BLOC1S5: variants seen among roughly 807,000 people sequenced by gnomAD.
The protein encoded by BLOC1S5 is biogenesis of lysosome-related organelles complex 1 subunit 5.
BLOC1S5 carries 27 observed loss-of-function variants against 24.3 expected under a neutral mutation model. The ratio of observed to expected loss-of-function variants is 1.11; its 90% confidence interval spans 0.82 to 1.53. The LOEUF is 1.53. Among genes scored for constraint, BLOC1S5 ranks in the 40% most tolerant of loss-of-function variants. The pLI is 0.00. For missense variants in BLOC1S5, 239 were observed against 229.4 expected, an observed-to-expected ratio of 1.04 and a Z score of -0.27; for synonymous variants, 84 against 74.5, an observed-to-expected ratio of 1.13 and a Z score of -0.66.
intron 2 of BLOC1S5, among the ~76,000 whole-genome samples, chr6:8,043,571 A>G (rs1311934571): frequency 6.6e-6 from 1 of 152,228 alleles, no homozygotes; most frequent in East Asian, 1.9e-4. Context: ...CCAAAGACTA[A>G]GGTGGCATGA....
chr6:8,024,773 TA>T (rs11301255), intron 4 of BLOC1S5, among the ~76,000 whole-genome samples: 67,623 of 151,910 alleles, frequency 0.45, 15,814 homozygotes, highest in East Asian at 0.78. Flanking sequence ...GATAGTAAGA[TA>T]ACAATTTTCA....
At chr6:8,024,597 C>T (rs1763046178) in intron 4 of BLOC1S5, among the ~76,000 whole-genome samples, 1 of 148,828 alleles carries the variant, frequency 6.7e-6, no homozygotes, top group African/African-American at 2.5e-5. Flanking sequence ...GCTTTTTAAA[C>T]CATGGGACAG....
intron 2 of BLOC1S5, among the ~76,000 whole-genome samples, chr6:8,061,351 A>C (rs1323348738): frequency 6.6e-6 from 1 of 152,238 alleles, no homozygotes; most frequent in African/African-American, 2.4e-5. Flanking sequence ...TTACTGCTTA[A>C]CGAACAATGA....
rs574721309 is a variant in BLOC1S5 at position 8,040,856 on chromosome 6, C to CA, written c.325+282dup. Among the ~76,000 whole-genome samples the CA allele has an allele frequency of 2.9e-3, 379 of 130,208 alleles. 1 individual carries two copies. The highest frequency in any genetic ancestry group is 6.1e-3 in the African/African-American group (219 of 35,678). The allele number at this position is 130,208 out of a possible 152,430, so 85.4% of individuals were successfully genotyped here. On this transcript the variant is annotated intron_variant, in intron 3 of 4. Coordinates refer to ENST00000397457, the MANE Select transcript of BLOC1S5 (RefSeq NM_201280.3). ...GGGACACAGAGTGAGACTGTGCCTC[C>CA]AAAAAAAAAAAAAAATTTGTAAAAA...
chr6:8,056,889 T>C (rs1259005480), intron 2 of BLOC1S5, among the ~76,000 whole-genome samples: 2 of 152,184 alleles, frequency 1.3e-5, no homozygotes, highest in Non-Finnish European at 2.9e-5. Flanking sequence ...TTAGTAGCCA[T>C]AGCTCTCTAA....
At chr6:8,062,907 T>G (rs773807646) in intron 1 of BLOC1S5, among the ~76,000 whole-genome samples, 1 of 152,212 alleles carries the variant, frequency 6.6e-6, no homozygotes, top group Non-Finnish European at 1.5e-5. Flanking sequence ...TTATACATAT[T>G]TATTACAGCA....
intron 4 of BLOC1S5, among the ~76,000 whole-genome samples, chr6:8,016,965 C>G (rs1212167083): frequency 6.6e-6 from 1 of 150,500 alleles, no homozygotes; most frequent in Non-Finnish European, 1.5e-5. Flanking sequence ...TCAAATGTCT[C>G]AGTTCTTGAG....
intron 2 of BLOC1S5, chr6:8,054,165 C>A: frequency 5.2e-6 from 2 of 383,722 alleles, no homozygotes; most frequent in South Asian, 2.0e-5. Flanking sequence ...CTTTTCCCAG[C>A]TTTTCCCTCC....
At chr6:8,043,925 A>C (rs993668738) in intron 2 of BLOC1S5, among the ~76,000 whole-genome samples, 2 of 152,090 alleles carry the variant, frequency 1.3e-5, no homozygotes, top group Non-Finnish European at 2.9e-5. Context: ...TAAGTCTCTG[A>C]TGGGCTTATC....
chr6:8,033,165 G>A (rs1763363293), intron 3 of BLOC1S5, among the ~76,000 whole-genome samples: 1 of 152,104 alleles, frequency 6.6e-6, no homozygotes, highest in African/African-American at 2.4e-5. Flanking sequence ...AGCCTGCATT[G>A]CCAAGACAAT....
chr6:8,043,868 T>C (rs1233996003), intron 2 of BLOC1S5, among the ~76,000 whole-genome samples: 7 of 152,112 alleles, frequency 4.6e-5, no homozygotes, highest in African/African-American at 1.7e-4. Flanking sequence ...GGGAGGTAAT[T>C]GAATCATGGG....
chr6:8,047,199 C>CCCACAG (rs1763936305), intron 2 of BLOC1S5, among the ~76,000 whole-genome samples: 1 of 112,630 alleles, frequency 8.9e-6, no homozygotes, highest in African/African-American at 3.3e-5. Context: ...CACACACACA[C>CCCACAG]AGTCAACAGT....
At chr6:8,023,825 T>C (rs1202122518) in intron 4 of BLOC1S5, among the ~76,000 whole-genome samples, 3 of 140,756 alleles carry the variant, frequency 2.1e-5, no homozygotes, top group Admixed American at 6.8e-5. Context: ...TGCGTGCACA[T>C]GTGTATATGT....
chr6:8,026,204 G>A (rs934580744), intron 4 of BLOC1S5, among the ~76,000 whole-genome samples, 163 bp downstream of exon 4: 1 of 152,144 alleles, frequency 6.6e-6, no homozygotes, highest in East Asian at 1.9e-4. Flanking sequence ...TAAAAATATT[G>A]ATGGTATGAC....
At chr6:8,058,491 G>A (rs554494320) in intron 2 of BLOC1S5, among the ~76,000 whole-genome samples, 1 of 151,480 alleles carries the variant, frequency 6.6e-6, no homozygotes, top group African/African-American at 2.4e-5. Flanking sequence ...CAAGAGAATG[G>A]TCTCTTAGTT....
At chr6:8,018,951 CATT>C (rs1762827672) in intron 4 of BLOC1S5, among the ~76,000 whole-genome samples, 2 of 152,322 alleles carry the variant, frequency 1.3e-5, no homozygotes, top group South Asian at 2.1e-4. Flanking sequence ...TGGATGTAAC[CATT>C]ATTAACCATT....
At chr6:8,038,095 AAAGACTTTTTTCTGT>A (rs1424777121) in intron 3 of BLOC1S5, among the ~76,000 whole-genome samples, 1 of 152,230 alleles carries the variant, frequency 6.6e-6, no homozygotes, top group African/African-American at 2.4e-5. Flanking sequence ...TGGTCTGGGC[AAAGACTTTTTTCTGT>A]AAGACCTCAA....
chr6:8,029,714 A>T (rs1256514757), intron 3 of BLOC1S5, among the ~76,000 whole-genome samples: 1 of 152,158 alleles, frequency 6.6e-6, no homozygotes, highest in Non-Finnish European at 1.5e-5. Context: ...CACACTAACG[A>T]GATATCCCTT....
intron 3 of BLOC1S5, among the ~76,000 whole-genome samples, chr6:8,032,685 T>C (rs1021950923): frequency 1.3e-5 from 2 of 152,188 alleles, no homozygotes; most frequent in African/African-American, 2.4e-5. Context: ...GGAAGTCAAA[T>C]TGTCCCTGTT....
Sources: gnomAD v4.1 joint callset for allele counts (sites outside exome capture counted in the v4.1 genomes callset) on GRCh38, gnomAD v4.1.1 for gene constraint, MANE v1.5 for transcripts, NCBI Gene and HGNC (gene_info 2026-07-23, HGNC 2026-07-21) for gene names.